Variants in FMN2 observed in about 807,000 individuals in gnomAD.
The protein encoded by FMN2 is formin 2.
A neutral mutation model predicts 142.3 loss-of-function variants in FMN2; 51 were observed. The observed-to-expected ratio is 0.36, with a 90% CI of 0.29 to 0.45. FMN2 has a LOEUF of 0.45. Ranked by LOEUF, FMN2 falls within the 20% of genes least tolerant of loss-of-function variation. The pLI, the probability that FMN2 is intolerant of heterozygous loss-of-function variation, is 1.00. For synonymous variants in FMN2, 882 were observed against 869.8 expected, an observed-to-expected ratio of 1.01 and a Z score of -0.25; for missense variants, 1,936 against 2,122.8, an observed-to-expected ratio of 0.91 and a Z score of 1.73.
chr1:240,104,960 A>G (rs1436800985), intron 1 of FMN2, among the ~76,000 whole-genome samples: 2 of 152,112 alleles, frequency 1.3e-5, no homozygotes, highest in Admixed American at 6.6e-5. Context: ...AGTCTGATGA[A>G]TATTTCCATA....
At chr1:240,243,060 C>A (rs1422687483) in intron 6 of FMN2, among the ~76,000 whole-genome samples, 1 of 151,850 alleles carries the variant, frequency 6.6e-6, no homozygotes, top group African/African-American at 2.4e-5. Flanking sequence ...TGAGGCTTAC[C>A]ATTAATCTGA....
chr1:240,251,057 TG>T (rs1361199797), intron 6 of FMN2, among the ~76,000 whole-genome samples: 4 of 152,058 alleles, frequency 2.6e-5, no homozygotes, highest in African/African-American at 9.7e-5. Context: ...TGATTCTTTG[TG>T]GGTTTTTTTA....
At chr1:240,169,460 T>G (rs192387540) in intron 2 of FMN2, among the ~76,000 whole-genome samples, 9 of 152,180 alleles carry the variant, frequency 5.9e-5, no homozygotes, top group African/African-American at 1.9e-4. Flanking sequence ...TTGATTTGAT[T>G]TGATATTGTT....
chr1:240,426,091 A>G (rs1364499255), intron 15 of FMN2, among the ~76,000 whole-genome samples: 2 of 152,216 alleles, frequency 1.3e-5, no homozygotes, highest in Admixed American at 6.5e-5. Context: ...ATAGTGTTTC[A>G]TTTGCAGAGA....
chr1:240,467,198 G>A (rs1347641559), intron 16 of FMN2, among the ~76,000 whole-genome samples: 1 of 152,092 alleles, frequency 6.6e-6, no homozygotes, highest in African/African-American at 2.4e-5. Context: ...CTTAGGAAGG[G>A]GGCCCTGTAT....
chr1:240,437,839 GTAGTTAT>G (rs1371893589), intron 15 of FMN2, among the ~76,000 whole-genome samples: 1 of 152,154 alleles, frequency 6.6e-6, no homozygotes, highest in East Asian at 1.9e-4. Context: ...TGGTCAAGGG[GTAGTTAT>G]TAGTATGTGG....
At chr1:240,135,673 G>T (rs1041730596) in intron 2 of FMN2, among the ~76,000 whole-genome samples, 3 of 148,724 alleles carry the variant, frequency 2.0e-5, no homozygotes, top group Non-Finnish European at 4.5e-5. Context: ...AAAGGACTTT[G>T]TCATGTTTCT....
At chr1:240,138,886 T>C (rs1192357068) in intron 2 of FMN2, among the ~76,000 whole-genome samples, 3 of 152,316 alleles carry the variant, frequency 2.0e-5, no homozygotes, top group Middle Eastern at 3.4e-3. Context: ...ATCTTACTTA[T>C]ATTTGGGAAA....
At chr1:240,278,300 G>A (rs1669285930) in intron 7 of FMN2, among the ~76,000 whole-genome samples, 1 of 152,128 alleles carries the variant, frequency 6.6e-6, no homozygotes, top group Non-Finnish European at 1.5e-5. Flanking sequence ...ATAGCACAAG[G>A]TCTGGGTGTC....
chr1:240,330,567 A>G (rs1264460824), intron 10 of FMN2, 36 bp from the exon 11 acceptor site: 1 of 1,600,920 alleles, frequency 6.2e-7, no homozygotes, highest in Non-Finnish European at 8.5e-7. Flanking sequence ...CTGGTATAAG[A>G]TAAAAGTTGT....
chr1:240,123,142 G>A, intron 1 of FMN2, 37 bp from the exon 2 acceptor site: 1 of 1,610,638 alleles, frequency 6.2e-7, no homozygotes, highest in Non-Finnish European at 8.5e-7. Context: ...CAGGTGATCG[G>A]CAGTGCTCGC....
At chr1:240,409,542 C>A (rs187147623) in intron 15 of FMN2, among the ~76,000 whole-genome samples, 1 of 152,278 alleles carries the variant, frequency 6.6e-6, no homozygotes, top group Non-Finnish European at 1.5e-5. Flanking sequence ...GTAAATAATA[C>A]TGTAGAAAAT....
intron 6 of FMN2, among the ~76,000 whole-genome samples, chr1:240,240,246 A>G (rs1667847331): frequency 6.6e-6 from 1 of 152,106 alleles, no homozygotes; most frequent in South Asian, 2.1e-4. Flanking sequence ...CTCATTTCCT[A>G]GCTCTGCCAC....
chr1:240,447,311 A>G (rs776007157), intron 16 of FMN2, among the ~76,000 whole-genome samples: 3 of 152,296 alleles, frequency 2.0e-5, no homozygotes, highest in East Asian at 3.9e-4. Context: ...GTATTGAGGT[A>G]CTTTGAGAAT....
intron 7 of FMN2, among the ~76,000 whole-genome samples, chr1:240,272,954 A>G (rs983627258): frequency 6.6e-6 from 1 of 152,212 alleles, no homozygotes; most frequent in Non-Finnish European, 1.5e-5. Context: ...AGAAAGGCCT[A>G]TAATGGAAAA....
chr1:240,347,726 C>T (rs961951491), intron 13 of FMN2, among the ~76,000 whole-genome samples: 4 of 152,096 alleles, frequency 2.6e-5, no homozygotes, highest in African/African-American at 7.2e-5. Flanking sequence ...CAGCGTTGAT[C>T]GCGCTCATCT....
At chr1:240,345,688 G>A (rs925016891) in intron 13 of FMN2, among the ~76,000 whole-genome samples, 1 of 151,908 alleles carries the variant, frequency 6.6e-6, no homozygotes, top group African/African-American at 2.4e-5. Flanking sequence ...TCGCTGTGTT[G>A]GCCAGGCTGG....
chr1:240,101,379 A>G (rs1003306069), intron 1 of FMN2, among the ~76,000 whole-genome samples: 1 of 152,176 alleles, frequency 6.6e-6, no homozygotes. Context: ...TATACCACGG[A>G]GTAATTGATG....
chr1:240,142,810 T>C (rs1663245950), intron 2 of FMN2: 1 of 1,587,208 alleles, frequency 6.3e-7, no homozygotes, highest in Non-Finnish European at 8.6e-7. Flanking sequence ...AACCCTGTGA[T>C]GGTCTTAGGC....
Sources: allele counts gnomAD v4.1 joint callset (sites outside exome capture counted in the v4.1 genomes callset), GRCh38; gene constraint gnomAD v4.1.1; transcripts MANE v1.5; gene names NCBI Gene and HGNC (gene_info 2026-07-23, HGNC 2026-07-21).